RHOU: variants seen among roughly 807,000 people sequenced by gnomAD.
The protein encoded by RHOU is ras homolog family member U.
In RHOU, 8 loss-of-function variants were observed where a neutral mutation model predicts 12.6. The ratio of observed to expected loss-of-function variants is 0.64; its 90% confidence interval spans 0.37 to 1.15. The LOEUF is 1.15. RHOU is among the 50% of genes most tolerant of loss of function. RHOU has a pLI of 0.01. For missense variants in RHOU, 258 were observed against 347.0 expected (o/e 0.74, Z 2.04); for synonymous variants, 161 against 147.4 (o/e 1.09, Z -0.67).
At chr1:228,729,184 G>A in the RHOU span, among the ~76,000 whole-genome samples, 2 of 152,176 alleles carry the variant, frequency 1.3e-5, no homozygotes, top group East Asian at 1.9e-4. Flanking sequence ...ATGAGCCACC[G>A]TGCCTGGCCA....
At chr1:228,683,859 C>T in the RHOU span, among the ~76,000 whole-genome samples, 1 of 152,150 alleles carries the variant, frequency 6.6e-6, no homozygotes, top group Non-Finnish European at 1.5e-5. Context: ...TGTCTGGCTG[C>T]CTGTGCAGCA....
At chr1:228,742,738 T>C (rs963740576) in intron 2 of RHOU, among the ~76,000 whole-genome samples, 1 of 152,222 alleles carries the variant, frequency 6.6e-6, no homozygotes, top group Non-Finnish European at 1.5e-5. Flanking sequence ...GTGCATAGTG[T>C]GGGCAGAGCG....
the RHOU span, among the ~76,000 whole-genome samples, chr1:228,663,975 C>T: frequency 4.5e-5 from 5 of 111,124 alleles, no homozygotes; most frequent in Non-Finnish European, 9.4e-5. Flanking sequence ...CCCTCCCCTC[C>T]CCTTCCCTCC....
upstream of RHOU, among the ~76,000 whole-genome samples, chr1:228,731,530 AGTTTTGTCGGGCCT>A (rs573649199): frequency 1.9e-4 from 29 of 152,344 alleles, no homozygotes; most frequent in East Asian, 5.4e-3. Flanking sequence ...AGCAAAGCCA[AGTTTTGTCGGGCCT>A]GAAGCTTATC....
At chr1:228,665,487 T>A in the RHOU span, among the ~76,000 whole-genome samples, 1 of 152,162 alleles carries the variant, frequency 6.6e-6, no homozygotes, top group African/African-American at 2.4e-5. Context: ...GCTCCCTCAA[T>A]AAACCCCTAC....
the RHOU span, among the ~76,000 whole-genome samples, chr1:228,720,122 G>A: frequency 6.6e-6 from 1 of 152,030 alleles, no homozygotes; most frequent in Non-Finnish European, 1.5e-5. Flanking sequence ...GAGGCCAGGA[G>A]TTTGATACCA....
chr1:228,679,574 T>A, the RHOU span, among the ~76,000 whole-genome samples: 1 of 151,976 alleles, frequency 6.6e-6, no homozygotes, highest in Non-Finnish European at 1.5e-5. Flanking sequence ...AAGGCGCAGA[T>A]CCTGAACTAA....
chr1:228,736,098 G>A (rs1164214875), intron 1 of RHOU, 94 bp downstream of exon 1: 8 of 1,275,542 alleles, frequency 6.3e-6, no homozygotes, highest in Non-Finnish European at 7.3e-6. Flanking sequence ...TCCCAAGGGG[G>A]CTGCAGGGCC....
chr1:228,743,239 G>A lies in RHOU; in HGVS notation c.322-46G>A, dbSNP rs759349312. On this transcript the variant is annotated intron_variant, in intron 2 of 2. Transcript: ENST00000366691. The surrounding 1 kb of genome is among the most constrained non-coding windows in gnomAD (Gnocchi z 5.1). ...ATGTGAAGGTGATCTTTTTACTGATGAGAATTCATGAAAACATAACTTTTG... is the reference window on the plus strand; with the variant it reads ...ATGTGAAGGTGATCTTTTTACTGATAAGAATTCATGAAAACATAACTTTTG... 3 of 1,530,148 alleles carry A rather than the reference G, an allele frequency of 2.0e-6. No individual in the cohort carries two copies. In the South Asian group the frequency reaches 3.4e-5, roughly 17 times the overall value. 94.8% of individuals were successfully genotyped at this position (1,530,148 alleles called of 1,614,324 possible).
At chr1:228,741,282 G>T (rs1662716827) in intron 2 of RHOU, among the ~76,000 whole-genome samples, 1 of 152,176 alleles carries the variant, frequency 6.6e-6, no homozygotes, top group Non-Finnish European at 1.5e-5. Flanking sequence ...TTGCACGTGT[G>T]TATTGCATTA....
chr1:228,684,584 C>T, the RHOU span, among the ~76,000 whole-genome samples: 4 of 152,260 alleles, frequency 2.6e-5, no homozygotes, highest in Non-Finnish European at 4.4e-5. Context: ...GTGTCTCGGC[C>T]TAAGTATTGG....
the RHOU span, among the ~76,000 whole-genome samples, chr1:228,663,974 C>T: frequency 1.0e-4 from 11 of 108,064 alleles, no homozygotes; most frequent in African/African-American, 3.1e-4. Context: ...CCCCTCCCCT[C>T]CCCTTCCCTC....
Position 228,735,721 on chromosome 1 carries a change from G to A in RHOU, c.-22G>A. The A allele has an allele frequency of 8.3e-7, 1 of 1,200,852 alleles. No homozygotes were observed. The highest frequency in any genetic ancestry group is 1.0e-6 in the Non-Finnish European group (1 of 968,302). The allele number at this position is 1,200,852 out of a possible 1,614,324, so 74.4% of individuals were successfully genotyped here. ...GGCCGGGCCCTGCTAGCCCGCGACC[G>A]CAAGCCCGCGCTCGCGGATCGATGC... On this transcript the variant is annotated 5_prime_UTR_variant, in exon 1 of 3. Coordinates refer to ENST00000366691, the MANE Select transcript of RHOU (RefSeq NM_021205.6). The surrounding 1 kb of genome is among the most constrained non-coding windows in gnomAD (Gnocchi z 8.1).
the RHOU span, chr1:228,651,320 A>C: frequency 6.0e-6 from 1 of 166,814 alleles, no homozygotes; most frequent in African/African-American, 2.4e-5. Flanking sequence ...TCCAGTGCCC[A>C]CCCACTGGAC....
At chr1:228,654,949 C>T in the RHOU span, among the ~76,000 whole-genome samples, 1 of 151,946 alleles carries the variant, frequency 6.6e-6, no homozygotes, top group African/African-American at 2.4e-5. Flanking sequence ...AAGTTGAGAC[C>T]CAAATACACA....
At chr1:228,707,428 G>T in the RHOU span, among the ~76,000 whole-genome samples, 2 of 150,896 alleles carry the variant, frequency 1.3e-5, no homozygotes, top group African/African-American at 4.9e-5. Context: ...TTTGAAGAGA[G>T]CAGTGGTTCT....
rs1316802637 is a variant in RHOU at position 228,745,325 on chromosome 1, A to C, written c.*1585A>C. The C allele has an allele frequency of 6.6e-6, 1 of 152,238 alleles. No homozygotes were observed. The highest frequency in any genetic ancestry group is 2.4e-5 in the African/African-American group (1 of 41,458). 9.4% of individuals were successfully genotyped at this position (152,238 alleles called of 1,614,324 possible). Reference sequence around the variant, plus strand: ...GGCTTGCGGTGGGTGACCCAGAGCCACCAAAGTCACATCCACAACTAATGA... The same window carrying C: ...GGCTTGCGGTGGGTGACCCAGAGCCCCCAAAGTCACATCCACAACTAATGA... On this transcript the variant is annotated 3_prime_UTR_variant, in exon 3 of 3. Transcript: ENST00000366691.
chr1:228,675,455 T>C, the RHOU span, among the ~76,000 whole-genome samples: 1 of 152,208 alleles, frequency 6.6e-6, no homozygotes, highest in African/African-American at 2.4e-5. Flanking sequence ...TTGTTTGAGA[T>C]TGCATTGAAT....
chr1:228,691,402 A>C, the RHOU span, among the ~76,000 whole-genome samples: 2 of 149,650 alleles, frequency 1.3e-5, no homozygotes, highest in African/African-American at 2.5e-5. Flanking sequence ...TGCTCCACTC[A>C]CTCATCCCTC....
Sources: gnomAD v4.1 joint callset for allele counts (sites outside exome capture counted in the v4.1 genomes callset) on GRCh38, gnomAD v4.1.1 for gene constraint, Gnocchi (gnomAD v3.1) non-coding constraint, MANE v1.5 for transcripts, NCBI Gene and HGNC (gene_info 2026-07-23, HGNC 2026-07-21) for gene names.